Variants in MADD observed in about 807,000 individuals in gnomAD.
MADD encodes the protein MAP kinase activating death domain, also known as MAP kinase-activating death domain protein.
A neutral mutation model predicts 176.7 loss-of-function variants in MADD; 109 were observed. The observed-to-expected ratio is 0.62, with a 90% CI of 0.53 to 0.72. The LOEUF (loss-of-function observed/expected upper bound fraction) is 0.72. MADD is among the 30% of genes least tolerant of loss of function. The pLI is 0.00. For missense variants in MADD, 1,914 were observed against 2,045.5 expected (o/e 0.94, Z 1.24); for synonymous variants, 771 against 771.3 (o/e 1.00, Z 0.01).
chr11:47,289,372 C>G lies in MADD; in HGVS notation c.2654-19C>G. 4 of 1,592,552 alleles carry G rather than the reference C, an allele frequency of 2.5e-6. No individual in the cohort carries two copies. The South Asian group carries it at 4.4e-5, about 18-fold the overall frequency. ...TACTACAATAGTGATGTCTCTCATT[C>G]CTGCCTTCCCTGCCACAGGAAACAG... On this transcript the variant is annotated intron_variant, in intron 15 of 32. Coordinates refer to ENST00000402192, the Ensembl canonical transcript of MADD.
At position 47,313,481 on chromosome 11, in the gene MADD, G is replaced by GT. The variant is rs112445074; in HGVS notation, c.4089+1654dup. 3.7e-3 allele frequency among the ~76,000 whole-genome samples: 524 copies of GT among 139,914 alleles called. 2 individuals carry two copies. Among genetic ancestry groups the GT allele is most frequent in the African/African-American group, 8.0e-3 (304 of 38,184 alleles). 91.8% of individuals were successfully genotyped at this position (139,914 alleles called of 152,430 possible). On this transcript the variant is annotated intron_variant, in intron 26 of 32. Transcript: ENST00000402192. Reference sequence around the variant, plus strand: ...AGGCGTATGCTGCCACACCTGGCTAGTTTTTTTTTTTTTTTGTATTTTAAT... The same window carrying GT: ...AGGCGTATGCTGCCACACCTGGCTAGTTTTTTTTTTTTTTTTGTATTTTAAT...
chr11:47,281,738 T>C, exon 8 of MADD: 1 of 1,604,994 alleles, frequency 6.2e-7, no homozygotes, highest in Non-Finnish European at 8.5e-7. Context: ...GTGGATTCTG[T>C]GGATGTTGCA....
At chr11:47,316,636 G>T (rs547461477) in intron 27 of MADD, among the ~76,000 whole-genome samples, 1 of 151,600 alleles carries the variant, frequency 6.6e-6, no homozygotes, top group Admixed American at 6.6e-5. Flanking sequence ...TGATCCACCC[G>T]CCTCGGCCTC....
chr11:47,279,934 G>T (rs1728765080), intron 7 of MADD, among the ~76,000 whole-genome samples: 1 of 152,172 alleles, frequency 6.6e-6, no homozygotes, highest in Non-Finnish European at 1.5e-5. Flanking sequence ...AGCCGGGCAT[G>T]GTGGTGGACG....
chr11:47,278,755 A>G (rs2053130032), intron 6 of MADD, among the ~76,000 whole-genome samples: 1 of 152,226 alleles, frequency 6.6e-6, no homozygotes, highest in Non-Finnish European at 1.5e-5. Flanking sequence ...TAAATAAAAT[A>G]AGTGAAAAGA....
intron 7 of MADD, among the ~76,000 whole-genome samples, chr11:47,279,300 A>G (rs1308191440): frequency 6.6e-6 from 1 of 151,078 alleles, no homozygotes; most frequent in East Asian, 1.9e-4. Context: ...TCTAATGCTT[A>G]TGATGCTGTA....
At chr11:47,324,360 G>A (rs2095107878) in intron 29 of MADD, 23 bp downstream of exon 32, 1 of 1,613,406 alleles carries the variant, frequency 6.2e-7, no homozygotes, top group Non-Finnish European at 8.5e-7. Context: ...TTTCCTGAGA[G>A]TGTCTTCCCT....
chr11:47,313,021 T>G (rs2090713911), intron 26 of MADD, among the ~76,000 whole-genome samples: 1 of 152,216 alleles, frequency 6.6e-6, no homozygotes, highest in African/African-American at 2.4e-5. Context: ...TAAACCATGG[T>G]TATTCAGAGT....
chr11:47,317,005 A>G (rs1379560926), intron 27 of MADD, among the ~76,000 whole-genome samples: 1 of 152,218 alleles, frequency 6.6e-6, no homozygotes, highest in Non-Finnish European at 1.5e-5. Flanking sequence ...TAGCCTCACA[A>G]AGTGCTGGGA....
chr11:47,305,013 A>G (rs1255780445), intron 22 of MADD, among the ~76,000 whole-genome samples: 2 of 152,228 alleles, frequency 1.3e-5, no homozygotes, highest in African/African-American at 2.4e-5. Flanking sequence ...GCTGCATTCA[A>G]CATGAGCAAT....
chr11:47,286,927 G>A (rs919998952), intron 15 of MADD, among the ~76,000 whole-genome samples: 7 of 152,266 alleles, frequency 4.6e-5, no homozygotes, highest in South Asian at 2.1e-4. Context: ...GCCTGGCAGC[G>A]TTCATAGAGC....
chr11:47,282,926 G>A, exon 10 of MADD: 3 of 1,613,944 alleles, frequency 1.9e-6, no homozygotes, highest in Non-Finnish European at 2.5e-6. Flanking sequence ...GGCCCTGAGT[G>A]TACCACCAGA....
chr11:47,299,585 CTTTTTTTTT>C (rs1185948034), intron 22 of MADD, among the ~76,000 whole-genome samples: 1 of 41,518 alleles, frequency 2.4e-5, no homozygotes, highest in Non-Finnish European at 4.3e-5. Context: ...GATTTTAGGG[CTTTTTTTTT>C]TTTTTTTTTT....
At position 47,325,591 on chromosome 11, in the gene MADD, C is replaced by A. The variant is rs1377737685; in HGVS notation, c.4542+1014C>A. On this transcript the variant is annotated intron_variant, in intron 30 of 32. Coordinates refer to ENST00000402192, the Ensembl canonical transcript of MADD. The surrounding 1 kb of genome is among the most constrained non-coding windows in gnomAD (Gnocchi z 4.5). Reference sequence around the variant, plus strand: ...AAATGGCTGCGCAGGCTGCCAGCAGCCCCTTAGTATATTTTCAATTTAGGA... The same window carrying A: ...AAATGGCTGCGCAGGCTGCCAGCAGACCCTTAGTATATTTTCAATTTAGGA... 6.6e-6 allele frequency among the ~76,000 whole-genome samples: 1 copy of A among 152,248 alleles called. No homozygotes were observed. The highest frequency in any genetic ancestry group is 1.5e-5 in the Non-Finnish European group (1 of 68,044).
Position 47,284,512 on chromosome 11 carries a change from T to A in MADD, c.2104T>A (p.Ser702Thr), listed in dbSNP as rs139405264. ...GGAAAACCCCCCACTGCGCTCCAGC[T>A]CTAGCACCACAGCCAGCAGCAGCCC... Residue 702 changes from serine to threonine, a missense_variant, in exon 12 of 33, where the codon TCT becomes ACT. Physicochemically the swap from Ser to Thr is moderately conservative, Grantham distance 58. Around this residue, in one of 2 missense-constraint regions of MADD, gnomAD observed 1,767 missense variants for 1,836.0 expected, o/e 0.96. Transcript: ENST00000402192. 3 of 1,613,934 alleles carry A rather than the reference T, an allele frequency of 1.9e-6. No individual in the cohort carries two copies. The highest frequency in any genetic ancestry group is 1.3e-5 in the African/African-American group (1 of 74,874).
intron 1 of MADD, among the ~76,000 whole-genome samples, chr11:47,273,383 G>A (rs2046666261): frequency 6.6e-6 from 1 of 151,936 alleles, no homozygotes; most frequent in Non-Finnish European, 1.5e-5. Context: ...CTGTCACCCA[G>A]GCTCGAGTGC....
At chr11:47,308,742 G>GGCTGGCAGGCAGCCCCATTCGT in intron 23 of MADD, 43 bp downstream of exon 25, 1 of 1,522,156 alleles carries the variant, frequency 6.6e-7, no homozygotes, top group Non-Finnish European at 9.1e-7. Context: ...GGAGAAAGCT[G>GGCTGGCAGGCAGCCCCATTCGT]ACTCAGCCAG....
chr11:47,304,401 T>C lies in MADD; in HGVS notation c.3643-4190T>C, dbSNP rs2080822091. ...ATGCGCCACCACACCTGGCTAATTTTGTATTTTTTAATAGGGACGGGGTTT... is the reference window on the plus strand; with the variant it reads ...ATGCGCCACCACACCTGGCTAATTTCGTATTTTTTAATAGGGACGGGGTTT... On this transcript the variant is annotated intron_variant, in intron 22 of 32. Coordinates refer to ENST00000402192, the Ensembl canonical transcript of MADD. 2.0e-5 allele frequency among the ~76,000 whole-genome samples: 3 copies of C among 152,234 alleles called. 1 individual carries two copies. In the South Asian group the frequency reaches 6.2e-4, roughly 32 times the overall value.
chr11:47,293,103 G>A (rs529923358), intron 19 of MADD, among the ~76,000 whole-genome samples: 3 of 152,204 alleles, frequency 2.0e-5, no homozygotes, highest in Non-Finnish European at 4.4e-5. Context: ...CATAGAAGTT[G>A]TAGGATGGAG....
Sources: gnomAD v4.1 joint callset for allele counts (sites outside exome capture counted in the v4.1 genomes callset) on GRCh38, gnomAD v4.1.1 for gene constraint, gnomAD v4.1.1 regional missense constraint, Gnocchi (gnomAD v3.1) non-coding constraint, MANE v1.5 for transcripts, NCBI Gene and HGNC (gene_info 2026-07-23, HGNC 2026-07-21) for gene names.